The following FAM107B variants were observed in gnomAD, a reference collection of about 807,000 sequenced individuals.
The protein encoded by FAM107B is protein FAM107B.
Under a neutral mutation model 31.5 loss-of-function variants are expected in FAM107B, and 21 were observed. The ratio of observed to expected loss-of-function variants is 0.67; its 90% confidence interval spans 0.47 to 0.96. FAM107B has a LOEUF of 0.96. Ranked by LOEUF, FAM107B falls within the 40% of genes least tolerant of loss-of-function variation. FAM107B has a pLI of 0.00. For missense variants in FAM107B, 452 were observed against 377.1 expected, an observed-to-expected ratio of 1.20 and a Z score of -1.64; for synonymous variants, 157 against 141.5, an observed-to-expected ratio of 1.11 and a Z score of -0.78.
At chr10:14,651,220 TA>T (rs377550767) in intron 2 of FAM107B, among the ~76,000 whole-genome samples, 2 of 152,354 alleles carry the variant, frequency 1.3e-5, no homozygotes, top group South Asian at 2.1e-4. Flanking sequence ...GAGCTTGGGC[TA>T]TAACTGCACT....
chr10:14,749,803 T>C (rs1832793088), intron 1 of FAM107B, among the ~76,000 whole-genome samples: 1 of 152,218 alleles, frequency 6.6e-6, no homozygotes, highest in Non-Finnish European at 1.5e-5. Context: ...AAAGGCACAG[T>C]TCCAAAACCA....
intron 1 of FAM107B, among the ~76,000 whole-genome samples, chr10:14,704,269 C>CTGTGTGTGTGTGTGTGTG (rs113899632): frequency 1.0e-4 from 15 of 148,130 alleles, no homozygotes; most frequent in East Asian, 9.8e-4. Context: ...GTAAATTGCT[C>CTGTGTGTGTGTGTGTGTG]TGTGTGTGTG....
At chr10:14,632,319 A>T (rs2131419770) in intron 2 of FAM107B, among the ~76,000 whole-genome samples, 1 of 146,782 alleles carries the variant, frequency 6.8e-6, no homozygotes, top group Admixed American at 6.8e-5. Context: ...AAAAAAAAAA[A>T]AAAAAAAAAA....
intron 2 of FAM107B, among the ~76,000 whole-genome samples, chr10:14,577,063 T>G (rs761382622): frequency 6.6e-6 from 1 of 152,232 alleles, no homozygotes; most frequent in Non-Finnish European, 1.5e-5. Flanking sequence ...ATTCAAATGC[T>G]TCCATTCACT....
rs564692223 is a variant in FAM107B at position 14,578,552 on chromosome 10, T to C, written c.470-48037A>G. Among the ~76,000 whole-genome samples, 52 of 152,240 alleles carry C rather than the reference T, an allele frequency of 3.4e-4. 1 individual carries two copies. The highest frequency in any genetic ancestry group is 3.4e-3 in the Middle Eastern group (1 of 294). On this transcript the variant is annotated intron_variant, in intron 2 of 4. Transcript: ENST00000181796. ...TGCCGAGAGAGGGGACCTTGCCAAA[T>C]TGCTCACTTTCTGGTCCTGTTTATA... is the stretch of plus-strand genomic sequence containing the variant.
intron 1 of FAM107B, among the ~76,000 whole-genome samples, chr10:14,740,951 T>C (rs925454953): frequency 4.6e-5 from 7 of 152,220 alleles, no homozygotes; most frequent in Non-Finnish European, 2.9e-5. Flanking sequence ...AAAAATGTTC[T>C]GTTAAGTGTT....
chr10:14,732,549 C>G (rs1856198330), intron 1 of FAM107B, among the ~76,000 whole-genome samples: 2 of 151,978 alleles, frequency 1.3e-5, no homozygotes, highest in Non-Finnish European at 2.9e-5. Context: ...AAAAGTATTT[C>G]TAAACTGTGA....
At chr10:14,654,308 T>C (rs1299442407) in intron 2 of FAM107B, among the ~76,000 whole-genome samples, 1 of 152,220 alleles carries the variant, frequency 6.6e-6, no homozygotes, top group Non-Finnish European at 1.5e-5. Context: ...TCATAAGCAG[T>C]TGAAATAACC....
At chr10:14,773,821 A>ATTTTG (rs1564299607) in intron 1 of FAM107B, among the ~76,000 whole-genome samples, 5 of 152,040 alleles carry the variant, frequency 3.3e-5, no homozygotes, top group Non-Finnish European at 7.4e-5. Context: ...GATTCATTTT[A>ATTTTG]AGTAGAGGCA....
intron 1 of FAM107B, among the ~76,000 whole-genome samples, chr10:14,736,669 A>G (rs762466159): frequency 1.3e-5 from 2 of 152,224 alleles, no homozygotes; most frequent in African/African-American, 2.4e-5. Context: ...AAGTATAAAC[A>G]TCATAAATCA....
At chr10:14,534,314 G>A (rs1326733166) in intron 2 of FAM107B, among the ~76,000 whole-genome samples, 1 of 152,104 alleles carries the variant, frequency 6.6e-6, no homozygotes, top group Non-Finnish European at 1.5e-5. Flanking sequence ...TCAGGGCAGT[G>A]GTGGTGGCGG....
At chr10:14,724,586 G>A (rs1274914897) in intron 1 of FAM107B, among the ~76,000 whole-genome samples, 1 of 152,102 alleles carries the variant, frequency 6.6e-6, no homozygotes, top group Non-Finnish European at 1.5e-5. Flanking sequence ...TTAACCTTAT[G>A]GATCAACTCC....
At chr10:14,522,142 C>T (rs1158746740) in intron 3 of FAM107B, 123 bp from the exon 4 acceptor site, 1 of 1,269,508 alleles carries the variant, frequency 7.9e-7, no homozygotes, top group African/African-American at 1.5e-5. Flanking sequence ...ATGATACCTA[C>T]TAGGCTACAG....
intron 2 of FAM107B, chr10:14,604,122 C>G (rs1377157387): frequency 5.7e-6 from 3 of 523,706 alleles, no homozygotes; most frequent in East Asian, 1.5e-4. Flanking sequence ...GGACCCCCCA[C>G]CCGCCCGGCC....
At chr10:14,585,630 G>A (rs1006162912) in intron 2 of FAM107B, among the ~76,000 whole-genome samples, 2 of 152,130 alleles carry the variant, frequency 1.3e-5, no homozygotes, top group Non-Finnish European at 2.9e-5. Flanking sequence ...ACACACACTG[G>A]GAGAAAAGAG....
chr10:14,720,799 C>T (rs937153574), intron 1 of FAM107B, among the ~76,000 whole-genome samples: 1 of 152,092 alleles, frequency 6.6e-6, no homozygotes, highest in African/African-American at 2.4e-5. Flanking sequence ...CCTTTCCCCT[C>T]CCTGTAGAAT....
chr10:14,550,755 G>C (rs1310747752), intron 2 of FAM107B, among the ~76,000 whole-genome samples: 1 of 152,102 alleles, frequency 6.6e-6, no homozygotes, highest in Non-Finnish European at 1.5e-5. Context: ...TTATCACAAA[G>C]GTCAGAACTT....
intron 1 of FAM107B, among the ~76,000 whole-genome samples, chr10:14,766,167 C>T (rs1833157654): frequency 6.6e-6 from 1 of 152,120 alleles, no homozygotes; most frequent in Non-Finnish European, 1.5e-5. Context: ...CTCTCAGACA[C>T]CCAATTTCAA....
intron 1 of FAM107B, among the ~76,000 whole-genome samples, chr10:14,765,977 T>C (rs1833152966): frequency 6.6e-6 from 1 of 152,180 alleles, no homozygotes; most frequent in Non-Finnish European, 1.5e-5. Flanking sequence ...TGATGGGTGA[T>C]TACACATGAG....
Sources: gnomAD v4.1 joint callset for allele counts (sites outside exome capture counted in the v4.1 genomes callset) on GRCh38, gnomAD v4.1.1 for gene constraint, MANE v1.5 for transcripts, NCBI Gene and HGNC (gene_info 2026-07-23, HGNC 2026-07-21) for gene names.